ACAD11: variants seen among roughly 807,000 people sequenced by gnomAD.
The protein encoded by ACAD11 is acyl-Coenzyme A dehydrogenase family, member 11.
ACAD11 carries 83 observed loss-of-function variants against 102.2 expected under a neutral mutation model. The observed-to-expected ratio is 0.81, with a 90% CI of 0.68 to 0.97. The LOEUF (loss-of-function observed/expected upper bound fraction) is 0.97. Ranked by LOEUF, ACAD11 falls within the 50% of genes least tolerant of loss-of-function variation. The pLI, the probability that ACAD11 is intolerant of heterozygous loss-of-function variation, is 0.00. For missense variants in ACAD11, 901 were observed against 951.7 expected (o/e 0.95, Z 0.70); for synonymous variants, 324 against 319.8 (o/e 1.01, Z -0.14).
chr3:132,566,801 A>C (rs1298551630), intron 17 of ACAD11, among the ~76,000 whole-genome samples: 4 of 152,208 alleles, frequency 2.6e-5, no homozygotes, highest in Non-Finnish European at 5.9e-5. Flanking sequence ...AGAAAAAGAT[A>C]AAAGAAGAAA....
intron 17 of ACAD11, among the ~76,000 whole-genome samples, chr3:132,566,429 GA>G (rs1937215511): frequency 6.6e-6 from 1 of 151,984 alleles, no homozygotes; most frequent in South Asian, 2.1e-4. Flanking sequence ...AACAATGGTT[GA>G]AAACATCCCA....
intron 12 of ACAD11, among the ~76,000 whole-genome samples, chr3:132,603,644 T>C (rs568681361): frequency 1.1e-4 from 17 of 152,356 alleles, no homozygotes; most frequent in Admixed American, 1.0e-3. Flanking sequence ...AGTATTGTTT[T>C]CTACTTCTCA....
intron 8 of ACAD11, among the ~76,000 whole-genome samples, chr3:132,628,096 C>T (rs1939896718): frequency 6.6e-6 from 1 of 152,050 alleles, no homozygotes; most frequent in African/African-American, 2.4e-5. Flanking sequence ...TTATCTATAT[C>T]CTTAAACATT....
chr3:132,617,324 AT>A (rs1939445365), intron 11 of ACAD11, among the ~76,000 whole-genome samples: 1 of 152,134 alleles, frequency 6.6e-6, no homozygotes, highest in South Asian at 2.1e-4. Context: ...TCTTCTGCAA[AT>A]CCAGTTTTGA....
chr3:132,587,732 G>A (rs1937901312), intron 13 of ACAD11, among the ~76,000 whole-genome samples: 1 of 152,158 alleles, frequency 6.6e-6, no homozygotes, highest in South Asian at 2.1e-4. Flanking sequence ...GAATGTTGAT[G>A]GTTTTGTTTT....
intron 13 of ACAD11, chr3:132,600,416 C>A: frequency 1.3e-6 from 2 of 1,597,002 alleles, no homozygotes; most frequent in Middle Eastern, 1.7e-4. Context: ...GGAACAGAAC[C>A]AGTCAACAGA....
At chr3:132,608,387 G>A (rs902931773) in intron 11 of ACAD11, among the ~76,000 whole-genome samples, 15 of 152,120 alleles carry the variant, frequency 9.9e-5, no homozygotes, top group East Asian at 9.6e-4. Flanking sequence ...CCCATCTCAC[G>A]TGCACAGACA....
At chr3:132,560,607 A>C (rs1325083960) in intron 18 of ACAD11, among the ~76,000 whole-genome samples, 1 of 151,796 alleles carries the variant, frequency 6.6e-6, no homozygotes, top group Non-Finnish European at 1.5e-5. Flanking sequence ...GGGTCTCACT[A>C]TGTTGCCCAG....
intron 7 of ACAD11, 80 bp downstream of exon 7, chr3:132,630,356 TA>T: frequency 2.1e-6 from 3 of 1,395,728 alleles, no homozygotes; most frequent in Admixed American, 2.5e-5. Context: ...ATAAAGAATA[TA>T]AAACCCGGAA....
At chr3:132,627,468 GTTGAA>G (rs1426825128) in intron 8 of ACAD11, among the ~76,000 whole-genome samples, 3 of 152,212 alleles carry the variant, frequency 2.0e-5, no homozygotes, top group Non-Finnish European at 4.4e-5. Flanking sequence ...AAGCAAAGAA[GTTGAA>G]TTGAACACAA....
intron 13 of ACAD11, among the ~76,000 whole-genome samples, chr3:132,595,363 T>C (rs1410513798): frequency 1.3e-5 from 2 of 152,022 alleles, no homozygotes; most frequent in Non-Finnish European, 2.9e-5. Context: ...AGAGAGACAA[T>C]GAGGGATGGA....
At chr3:132,565,813 T>C in intron 17 of ACAD11, among the ~76,000 whole-genome samples, 1 of 152,184 alleles carries the variant, frequency 6.6e-6, no homozygotes, top group East Asian at 1.9e-4. Flanking sequence ...TGCCACGTGA[T>C]GTGCTGGCTC....
At chr3:132,561,829 C>T (rs1031407054) in intron 17 of ACAD11, among the ~76,000 whole-genome samples, 1 of 152,222 alleles carries the variant, frequency 6.6e-6, no homozygotes, top group South Asian at 2.1e-4. Context: ...TAGTCACAGG[C>T]TCCTCTCACT....
chr3:132,592,837 A>G (rs1463276323), intron 13 of ACAD11, among the ~76,000 whole-genome samples: 1 of 152,194 alleles, frequency 6.6e-6, no homozygotes, highest in Non-Finnish European at 1.5e-5. Context: ...TCCCACAGTT[A>G]AAGAAAAAAA....
At chr3:132,587,187 A>T (rs1937878436) in intron 13 of ACAD11, among the ~76,000 whole-genome samples, 1 of 152,214 alleles carries the variant, frequency 6.6e-6, no homozygotes, top group Non-Finnish European at 1.5e-5. Flanking sequence ...TTTATTTTAT[A>T]TCAATCAAAA....
At chr3:132,619,055 A>G in intron 10 of ACAD11, 2 of 335,628 alleles carry the variant, frequency 6.0e-6, no homozygotes, top group Non-Finnish European at 5.3e-6. Context: ...CAGAACTATT[A>G]CAAAATCTCC....
At chr3:132,639,877 A>G (rs1162985996) in intron 4 of ACAD11, among the ~76,000 whole-genome samples, 3 of 152,090 alleles carry the variant, frequency 2.0e-5, no homozygotes, top group African/African-American at 4.8e-5. Context: ...GTTTTTTATC[A>G]AGAGAAAAAT....
Position 132,578,994 on chromosome 3 carries a change from T to C in ACAD11, c.1689-113A>G, listed in dbSNP as rs1337050202. The C allele has an allele frequency of 1.9e-6, 3 of 1,540,082 alleles. No homozygotes were observed. The African/African-American group carries it at 4.1e-5, about 21-fold the overall frequency. ...TGTTTTCATGTAGTCATGTAAGCAG[T>C]GATGACTGGAATGGGAACTGTGTAA... On this transcript the variant is annotated intron_variant, in intron 14 of 19. Transcript: ENST00000264990.
chr3:132,586,679 A>T (rs1250187592), intron 13 of ACAD11, among the ~76,000 whole-genome samples: 1 of 152,244 alleles, frequency 6.6e-6, no homozygotes, highest in South Asian at 2.1e-4. Context: ...CTTATTAGAT[A>T]AAATAAGAAA....
Sources: gnomAD v4.1 joint callset for allele counts (sites outside exome capture counted in the v4.1 genomes callset) on GRCh38, gnomAD v4.1.1 for gene constraint, MANE v1.5 for transcripts, NCBI Gene and HGNC (gene_info 2026-07-23, HGNC 2026-07-21) for gene names.